The following GPR158 variants were observed in gnomAD, a reference collection of about 807,000 sequenced individuals.
GPR158 encodes metabotropic glycine receptor.
In GPR158, 30 loss-of-function variants were observed where a neutral mutation model predicts 78.2. The ratio of observed to expected loss-of-function variants is 0.38; its 90% CI spans 0.29 to 0.52. GPR158 has a LOEUF of 0.52. Ranked by LOEUF, GPR158 falls within the 20% of genes least tolerant of loss-of-function variation. The probability of loss-of-function intolerance (pLI) is 0.83; values close to 1 mark genes in which losing one functional copy is unlikely to be tolerated. For synonymous variants in GPR158, 581 were observed against 591.1 expected (o/e 0.98, Z 0.25); for missense variants, 1,463 against 1,523.5 (o/e 0.96, Z 0.66).
rs1834102725 is a variant in GPR158, at chr10:25,377,803, AT to A, written c.1009-18105del. ...GCTGATGGACATATGGCTTACTTTC[AT>A]TTGGGGCTATTATGAATAATGCTAC... On this transcript the variant is annotated intron_variant, in intron 2 of 10. Transcript: ENST00000376351. Among the ~76,000 whole-genome samples the A allele has an allele frequency of 2.6e-5, 4 of 152,096 alleles. No individual in the cohort carries two copies. The South Asian group carries it at 8.3e-4, about 32-fold the overall frequency.
intron 3 of GPR158, among the ~76,000 whole-genome samples, chr10:25,405,015 G>A (rs892583468): frequency 5.9e-5 from 9 of 151,978 alleles, no homozygotes; most frequent in Non-Finnish European, 1.2e-4. Context: ...TCTCTATTTC[G>A]AAAGGTTGAA....
intron 7 of GPR158, among the ~76,000 whole-genome samples, chr10:25,587,976 T>A (rs1471194729): frequency 6.6e-6 from 1 of 152,170 alleles, no homozygotes; most frequent in Non-Finnish European, 1.5e-5. Context: ...ATTAGAACTT[T>A]CTTATTAGAC....
At chr10:25,375,830 T>C (rs1410933) in intron 2 of GPR158, among the ~76,000 whole-genome samples, 99,935 of 151,304 alleles carry the variant, frequency 0.66, 34,081 homozygotes, top group Non-Finnish European at 0.75. Flanking sequence ...TTGATTTCTC[T>C]CATTTAATTC....
rs901997479 is a variant in GPR158, at chr10:25,259,049, C to G, written c.1008+37892C>G. Among the ~76,000 whole-genome samples, 4 of 152,058 alleles carry G rather than the reference C, an allele frequency of 2.6e-5. No homozygotes were observed. The South Asian group carries it at 6.2e-4, about 24-fold the overall frequency. ...TTTTGATGATCCATTACCTTTATGA[C>G]GATCCACTTCCACCTGTCATCTTCA... On this transcript the variant is annotated intron_variant, in intron 2 of 10. Transcript: ENST00000376351.
intron 2 of GPR158, among the ~76,000 whole-genome samples, chr10:25,304,366 G>A (rs151163236): frequency 1.1e-3 from 174 of 152,188 alleles, no homozygotes; most frequent in Non-Finnish European, 2.2e-3. Context: ...TGGGAAAGTT[G>A]AAGAGAGGTA....
chr10:25,334,970 A>G (rs1206639919), intron 2 of GPR158, among the ~76,000 whole-genome samples: 1 of 152,046 alleles, frequency 6.6e-6, no homozygotes, highest in Non-Finnish European at 1.5e-5. Flanking sequence ...GTCAGGACAA[A>G]AGGATCTCAT....
chr10:25,583,505 T>G (rs557002156), intron 7 of GPR158, among the ~76,000 whole-genome samples: 3 of 152,318 alleles, frequency 2.0e-5, no homozygotes, highest in African/African-American at 7.2e-5. Flanking sequence ...TATTCAAGCT[T>G]CTTTATACTA....
rs200841975 is a variant in GPR158, at chr10:25,369,771, G to T, written c.1009-26140G>T. Among the ~76,000 whole-genome samples, 1,462 of 152,028 alleles carry T rather than the reference G, an allele frequency of 9.6e-3. 83 individuals carry two copies. In the South Asian group the frequency reaches 0.12, roughly 13 times the overall value. On this transcript the variant is annotated intron_variant, in intron 2 of 10. Transcript: ENST00000376351. Reference sequence around the variant, plus strand: ...CCAGTTCCTCCTTATACCTCTGGTAGAATTCGGCTGTGAATCCATCTGGTC... The same window carrying T: ...CCAGTTCCTCCTTATACCTCTGGTATAATTCGGCTGTGAATCCATCTGGTC...
intron 5 of GPR158, among the ~76,000 whole-genome samples, chr10:25,485,195 A>C (rs962686355): frequency 6.6e-6 from 1 of 152,158 alleles, no homozygotes; most frequent in Non-Finnish European, 1.5e-5. Flanking sequence ...AAAAAATTGT[A>C]AAAGGCTTAA....
At chr10:25,466,947 A>T (rs149198796) in intron 5 of GPR158, among the ~76,000 whole-genome samples, 60 of 152,292 alleles carry the variant, frequency 3.9e-4, no homozygotes, top group African/African-American at 1.4e-3. Context: ...GTCAAACTCT[A>T]AAATATTTGA....
At chr10:25,222,130 G>C (rs117273771) in intron 2 of GPR158, among the ~76,000 whole-genome samples, 1 of 152,058 alleles carries the variant, frequency 6.6e-6, no homozygotes, top group East Asian at 1.9e-4. Context: ...GCATATACAT[G>C]TATATACGCC....
At chr10:25,329,174 C>T (rs1006277401) in intron 2 of GPR158, among the ~76,000 whole-genome samples, 8 of 151,834 alleles carry the variant, frequency 5.3e-5, no homozygotes, top group Non-Finnish European at 2.9e-5. Context: ...CGGTGGCTCA[C>T]GCCTGTAATC....
intron 5 of GPR158, among the ~76,000 whole-genome samples, chr10:25,532,896 T>A (rs1836445658): frequency 1.3e-5 from 2 of 152,294 alleles, no homozygotes; most frequent in South Asian, 4.1e-4. Context: ...AACAGAAGCA[T>A]ATGCTATTAC....
chr10:25,497,178 G>T (rs1453934164), intron 5 of GPR158, among the ~76,000 whole-genome samples: 1 of 152,182 alleles, frequency 6.6e-6, no homozygotes, highest in African/African-American at 2.4e-5. Flanking sequence ...GAGGAATTTT[G>T]ATTGTATAAC....
intron 5 of GPR158, among the ~76,000 whole-genome samples, chr10:25,471,570 T>C (rs918452674): frequency 6.6e-6 from 1 of 152,180 alleles, no homozygotes; most frequent in Non-Finnish European, 1.5e-5. Context: ...TAGTTTACAG[T>C]CCCACCAATA....
chr10:25,217,862 C>A (rs915834408), intron 1 of GPR158, among the ~76,000 whole-genome samples: 1 of 152,136 alleles, frequency 6.6e-6, no homozygotes, highest in African/African-American at 2.4e-5. Flanking sequence ...ATTTTCCATT[C>A]TCTGGAGGCC....
chr10:25,336,508 A>G (rs1729093098), intron 2 of GPR158, among the ~76,000 whole-genome samples: 1 of 152,012 alleles, frequency 6.6e-6, no homozygotes, highest in African/African-American at 2.4e-5. Context: ...AGACTCTGAT[A>G]GATCTTATCC....
At chr10:25,352,470 A>G (rs190803978) in intron 2 of GPR158, among the ~76,000 whole-genome samples, 95 of 152,140 alleles carry the variant, frequency 6.2e-4, no homozygotes, top group Non-Finnish European at 1.1e-3. Flanking sequence ...CCTTCCACAT[A>G]AGGTTTTCAC....
At chr10:25,177,858 G>A (rs1241194857) in intron 1 of GPR158, among the ~76,000 whole-genome samples, 1 of 152,180 alleles carries the variant, frequency 6.6e-6, no homozygotes, top group African/African-American at 2.4e-5. Context: ...TCTTAAACCA[G>A]ACTAACTCTT....
Sources: allele counts gnomAD v4.1 joint callset (sites outside exome capture counted in the v4.1 genomes callset), GRCh38; gene constraint gnomAD v4.1.1; transcripts MANE v1.5; gene names NCBI Gene and HGNC (gene_info 2026-07-23, HGNC 2026-07-21).